PCDH9: variants seen among roughly 807,000 people sequenced by gnomAD.
The protein encoded by PCDH9 is protocadherin 9.
Under a neutral mutation model 70.6 loss-of-function variants are expected in PCDH9, and 24 were observed. That is an observed-to-expected ratio of 0.34 (90% CI 0.25 to 0.48). The LOEUF is 0.48. PCDH9 is among the 20% of genes least tolerant of loss of function. The pLI is 0.99. For missense variants in PCDH9, 1,281 were observed against 1,503.6 expected (o/e 0.85, Z 2.45); for synonymous variants, 562 against 558.5 (o/e 1.01, Z -0.09).
intron 4 of PCDH9, among the ~76,000 whole-genome samples, chr13:66,377,079 T>C (rs1447605441): frequency 2.6e-5 from 4 of 152,174 alleles, no homozygotes; most frequent in Admixed American, 6.5e-5. Flanking sequence ...TGTTTTGGTG[T>C]GGTCATATTG....
chr13:66,490,274 G>A (rs1490915796), intron 4 of PCDH9, among the ~76,000 whole-genome samples: 1 of 152,150 alleles, frequency 6.6e-6, no homozygotes, highest in African/African-American at 2.4e-5. Context: ...GAGTTCTTCA[G>A]AGTTTTTGAC....
At chr13:67,080,243 T>A (rs1382151965) in intron 2 of PCDH9, among the ~76,000 whole-genome samples, 1 of 152,220 alleles carries the variant, frequency 6.6e-6, no homozygotes, top group Admixed American at 6.6e-5. Flanking sequence ...ATAAACAGTA[T>A]TTTAGTAAAT....
chr13:67,101,570 G>T (rs1396536851), intron 2 of PCDH9, among the ~76,000 whole-genome samples: 1 of 152,150 alleles, frequency 6.6e-6, no homozygotes, highest in African/African-American at 2.4e-5. Flanking sequence ...TGTATCAACA[G>T]AACTCAAAAT....
intron 3 of PCDH9, among the ~76,000 whole-genome samples, chr13:66,719,238 G>A (rs1286636608): frequency 6.7e-6 from 1 of 150,252 alleles, no homozygotes; most frequent in Non-Finnish European, 1.5e-5. Flanking sequence ...ATTCCCGTGA[G>A]TCAATTCCTC....
In PCDH9 at chr13:66,673,919, C is replaced by T. The variant is rs145645849; in HGVS notation, c.3139-42508G>A. Among the ~76,000 whole-genome samples the T allele has an allele frequency of 1.9e-4, 29 of 152,126 alleles. 1 individual carries two copies. The East Asian group carries it at 5.6e-3, about 29-fold the overall frequency. On this transcript the variant is annotated intron_variant, in intron 3 of 4. Transcript: ENST00000377865. ...ATATGGTTGCAATTCATTTGTCTTCCTTGTATCATTCAGTCTCTTGCTACA... is the reference window on the plus strand; with the variant it reads ...ATATGGTTGCAATTCATTTGTCTTCTTTGTATCATTCAGTCTCTTGCTACA...
chr13:66,819,378 A>T (rs180998201), intron 3 of PCDH9, among the ~76,000 whole-genome samples: 48 of 152,150 alleles, frequency 3.2e-4, no homozygotes, highest in Non-Finnish European at 5.3e-4. Context: ...TATTTACTAA[A>T]ATGAATAACC....
chr13:66,762,016 C>T (rs2079637004), intron 3 of PCDH9, among the ~76,000 whole-genome samples: 1 of 152,032 alleles, frequency 6.6e-6, no homozygotes, highest in South Asian at 2.1e-4. Context: ...ATGGATTTGT[C>T]TGAAAATGCC....
rs548052420 is a variant in PCDH9, at chr13:66,871,829, A to AC, written c.3138+31674dup. Among the ~76,000 whole-genome samples the AC allele has an allele frequency of 6.0e-3, 887 of 148,732 alleles. 9 individuals are homozygous for AC. The highest frequency in any genetic ancestry group is 0.019 in the African/African-American group (775 of 40,308). On this transcript the variant is annotated intron_variant, in intron 3 of 4. Coordinates refer to ENST00000377865, the MANE Select transcript of PCDH9 (RefSeq NM_203487.3). ...GTATTTTCTAGCCTATTTCATTACC[A>AC]CCCCCCCCTCAACATTTCTTATTCT... is the stretch of plus-strand genomic sequence containing the variant.
intron 2 of PCDH9, among the ~76,000 whole-genome samples, chr13:66,931,551 T>A (rs916772480): frequency 3.9e-5 from 6 of 152,110 alleles, no homozygotes; most frequent in African/African-American, 1.4e-4. Flanking sequence ...ATTCTGAAGT[T>A]AATGATATTT....
Position 66,313,091 on chromosome 13 carries a change from T to C in PCDH9, c.3341-8063A>G, listed in dbSNP as rs138432352. ...CCTTTTTCTCATCTGCTAAAGCTAA[T>C]TGCTGTAAAGAAAAGTTTCTCTGAT... On this transcript the variant is annotated intron_variant, in intron 4 of 4. Coordinates refer to ENST00000377865, the MANE Select transcript of PCDH9 (RefSeq NM_203487.3). 6.4e-3 allele frequency among the ~76,000 whole-genome samples: 976 copies of C among 152,334 alleles called. 11 individuals are homozygous for C. Among genetic ancestry groups the C allele is most frequent in the African/African-American group, 0.022 (920 of 41,590 alleles).
At chr13:66,657,890 G>A (rs1190298237) in intron 3 of PCDH9, among the ~76,000 whole-genome samples, 1 of 152,048 alleles carries the variant, frequency 6.6e-6, no homozygotes, top group Non-Finnish European at 1.5e-5. Context: ...TGTGTTCCAG[G>A]GTTCTGCATC....
At chr13:67,122,422 G>T (rs961689275) in intron 2 of PCDH9, among the ~76,000 whole-genome samples, 1 of 151,892 alleles carries the variant, frequency 6.6e-6, no homozygotes, top group Non-Finnish European at 1.5e-5. Flanking sequence ...CATGAAGCAT[G>T]CATTATCTCC....
rs118016328 is a variant in PCDH9 at position 67,072,082 on chromosome 13, G to A, written c.3036+153323C>T. ...AGAGATGTAATTCTGAGCAGACTAG[G>A]AGTGACTACTGATCTCTCTGTAGGT... On this transcript the variant is annotated intron_variant, in intron 2 of 4. Transcript: ENST00000377865. 1.4e-3 allele frequency among the ~76,000 whole-genome samples: 218 copies of A among 152,110 alleles called. 2 individuals carry two copies. The East Asian group carries it at 0.036, about 25-fold the overall frequency.
chr13:66,810,632 T>A (rs1566209401), intron 3 of PCDH9, among the ~76,000 whole-genome samples: 1 of 152,010 alleles, frequency 6.6e-6, no homozygotes, highest in Non-Finnish European at 1.5e-5. Flanking sequence ...ATTAAACTTC[T>A]ATCCCTAGTA....
chr13:66,416,327 A>C lies in PCDH9; in HGVS notation c.3341-111299T>G, dbSNP rs546661632. On this transcript the variant is annotated intron_variant, in intron 4 of 4. Transcript: ENST00000377865. ...ACGGAAGGAAGCTTACAGAAAAAAA[A>C]AAAAGGAAAAGAAAAAATAACCTTA... 7.2e-5 allele frequency among the ~76,000 whole-genome samples: 11 copies of C among 151,842 alleles called. 1 individual carries two copies. The highest frequency in any genetic ancestry group is 2.6e-4 in the Admixed American group (4 of 15,224).
chr13:66,852,528 G>A (rs755411840), intron 3 of PCDH9, among the ~76,000 whole-genome samples: 1 of 152,130 alleles, frequency 6.6e-6, no homozygotes, highest in East Asian at 1.9e-4. Flanking sequence ...TTCCTCTTGA[G>A]AACTGAGACT....
chr13:66,723,789 C>G (rs2078971863), intron 3 of PCDH9, among the ~76,000 whole-genome samples: 1 of 152,056 alleles, frequency 6.6e-6, no homozygotes, highest in Non-Finnish European at 1.5e-5. Context: ...TGCAACATGC[C>G]CAGAATACTA....
intron 2 of PCDH9, among the ~76,000 whole-genome samples, chr13:67,025,847 G>A (rs1204149100): frequency 6.6e-6 from 1 of 152,024 alleles, no homozygotes; most frequent in Non-Finnish European, 1.5e-5. Flanking sequence ...TTTCTAAAAT[G>A]AAGAAGGGCA....
chr13:67,170,756 C>T (rs1046264833), intron 2 of PCDH9, among the ~76,000 whole-genome samples: 1 of 151,972 alleles, frequency 6.6e-6, no homozygotes, highest in Non-Finnish European at 1.5e-5. Context: ...GAAACCCTGC[C>T]GCTACTAAAA....
Sources: allele counts gnomAD v4.1 joint callset (sites outside exome capture counted in the v4.1 genomes callset), GRCh38; gene constraint gnomAD v4.1.1; transcripts MANE v1.5; gene names NCBI Gene and HGNC (gene_info 2026-07-23, HGNC 2026-07-21).